CHCHD3: variants seen among roughly 807,000 people sequenced by gnomAD.
CHCHD3 encodes the protein MICOS complex subunit MIC19.
A neutral mutation model predicts 38.2 loss-of-function variants in CHCHD3; 20 were observed. The ratio of observed to expected loss-of-function variants is 0.52; its 90% CI spans 0.37 to 0.76. The LOEUF is 0.76. Among genes scored for constraint, CHCHD3 ranks in the 30% least tolerant of loss-of-function variants. The pLI, the probability that CHCHD3 is intolerant of heterozygous loss-of-function variation, is 0.00. For synonymous variants in CHCHD3, 82 were observed against 100.0 expected, an observed-to-expected ratio of 0.82 and a Z score of 1.07; for missense variants, 245 against 279.2, an observed-to-expected ratio of 0.88 and a Z score of 0.87.
At chr7:133,027,435 A>C in intron 2 of CHCHD3, among the ~76,000 whole-genome samples, 1 of 24,438 alleles carries the variant, frequency 4.1e-5, no homozygotes. Flanking sequence ...GAAGGAAGGG[A>C]GGGAGGGAGG....
intron 1 of CHCHD3, among the ~76,000 whole-genome samples, chr7:133,075,600 G>C (rs1458076717): frequency 3.3e-5 from 5 of 152,226 alleles, no homozygotes. Context: ...TCTCCTCTGT[G>C]AACAGGGGTA....
At chr7:133,073,182 G>C (rs1814877624) in intron 1 of CHCHD3, among the ~76,000 whole-genome samples, 1 of 151,940 alleles carries the variant, frequency 6.6e-6, no homozygotes, top group African/African-American at 2.4e-5. Context: ...CTTCTGGAAA[G>C]CCCTCCCTTG....
chr7:132,958,575 C>A (rs140972358), intron 4 of CHCHD3, among the ~76,000 whole-genome samples: 1 of 152,118 alleles, frequency 6.6e-6, no homozygotes, highest in Admixed American at 6.5e-5. Flanking sequence ...TCTGGAGATA[C>A]ATTTGTTACT....
intron 2 of CHCHD3, among the ~76,000 whole-genome samples, chr7:133,033,000 A>G (rs1813543837): frequency 6.6e-6 from 1 of 152,170 alleles, no homozygotes; most frequent in South Asian, 2.1e-4. Context: ...GTCCTGTGTG[A>G]CCAAGAAAAG....
intron 4 of CHCHD3, among the ~76,000 whole-genome samples, chr7:132,964,497 C>G (rs925170175): frequency 3.3e-5 from 5 of 152,178 alleles, no homozygotes; most frequent in African/African-American, 1.2e-4. Flanking sequence ...AGGAGAATCA[C>G]TTGAACCCGG....
intron 4 of CHCHD3, among the ~76,000 whole-genome samples, chr7:132,905,858 G>A (rs1397615509): frequency 6.6e-6 from 1 of 152,090 alleles, no homozygotes; most frequent in African/African-American, 2.4e-5. Context: ...GTGGACAAAA[G>A]GATATTGCCA....
intron 4 of CHCHD3, among the ~76,000 whole-genome samples, chr7:132,938,475 C>G (rs557727986): frequency 3.3e-5 from 5 of 152,082 alleles, no homozygotes; most frequent in Admixed American, 1.3e-4. Context: ...CAGTACACAA[C>G]TTGGAAATGG....
At chr7:133,065,675 A>T (rs915099006) in intron 2 of CHCHD3, among the ~76,000 whole-genome samples, 1 of 152,242 alleles carries the variant, frequency 6.6e-6, no homozygotes, top group African/African-American at 2.4e-5. Context: ...ACACATCTAA[A>T]TTTTAAATCC....
At chr7:133,076,046 G>GGGCA (rs1814980802) in intron 1 of CHCHD3, among the ~76,000 whole-genome samples, 1 of 112,706 alleles carries the variant, frequency 8.9e-6, no homozygotes, top group East Asian at 2.7e-4. Context: ...GCAAGAGAAT[G>GGGCA]AGATTCTATC....
intron 1 of CHCHD3, among the ~76,000 whole-genome samples, chr7:133,072,789 G>A (rs557873452): frequency 2.3e-4 from 34 of 148,358 alleles, no homozygotes; most frequent in African/African-American, 8.5e-4. Flanking sequence ...CAGTGAGATC[G>A]CGCCACAGCC....
chr7:132,855,350 T>C (rs1808320518), intron 5 of CHCHD3, among the ~76,000 whole-genome samples: 1 of 152,206 alleles, frequency 6.6e-6, no homozygotes, highest in Admixed American at 6.5e-5. Context: ...TAATTTCTTT[T>C]CATCAATTTT....
At chr7:132,927,128 A>ACAGTTAAGAG (rs1207336447) in intron 4 of CHCHD3, among the ~76,000 whole-genome samples, 2 of 152,178 alleles carry the variant, frequency 1.3e-5, no homozygotes, top group African/African-American at 4.8e-5. Flanking sequence ...AGACCCACAA[A>ACAGTTAAGAG]CAGTTAAGAG....
chr7:132,921,160 T>C (rs562595217), intron 4 of CHCHD3, among the ~76,000 whole-genome samples: 33 of 152,286 alleles, frequency 2.2e-4, no homozygotes, highest in African/African-American at 7.7e-4. Flanking sequence ...CTGAACAATA[T>C]TTTCGCTCTT....
At chr7:133,060,744 A>C (rs1477787450) in intron 2 of CHCHD3, among the ~76,000 whole-genome samples, 1 of 152,138 alleles carries the variant, frequency 6.6e-6, no homozygotes, top group Non-Finnish European at 1.5e-5. Flanking sequence ...CCCCATGTCT[A>C]CTAAAAATAC....
At chr7:133,080,850 CTG>C (rs1815152237) in intron 1 of CHCHD3, among the ~76,000 whole-genome samples, 1 of 152,024 alleles carries the variant, frequency 6.6e-6, no homozygotes, top group South Asian at 2.1e-4. Context: ...CTGGTAACAA[CTG>C]TTAAAAATAA....
At chr7:132,796,221 C>A (rs1488766491) in intron 7 of CHCHD3, among the ~76,000 whole-genome samples, 1 of 151,990 alleles carries the variant, frequency 6.6e-6, no homozygotes, top group Admixed American at 6.5e-5. Context: ...ATCCTTTTTT[C>A]TGCAAGTAAA....
At chr7:132,889,166 A>C (rs1448190192) in intron 4 of CHCHD3, among the ~76,000 whole-genome samples, 1 of 152,072 alleles carries the variant, frequency 6.6e-6, no homozygotes, top group Non-Finnish European at 1.5e-5. Flanking sequence ...AAAATTTAAC[A>C]ACTTGAACAG....
rs147591598 is a variant in CHCHD3, at chr7:132,912,833, G to T, written c.370-27088C>A. The stretch of plus-strand genomic sequence containing the variant: ...GCCTTCCAAAGTGCTGGGATTACAG[G>T]CATGAGCCACTGCGCCCGGCCAAAG... On this transcript the variant is annotated intron_variant, in intron 4 of 7. Coordinates refer to ENST00000262570, the MANE Select transcript of CHCHD3 (RefSeq NM_017812.4). 8.6e-3 allele frequency among the ~76,000 whole-genome samples: 1,307 copies of T among 152,332 alleles called. 22 individuals carry two copies. The highest frequency in any genetic ancestry group is 0.03 in the African/African-American group (1,246 of 41,566).
At chr7:132,924,987 C>A (rs1287448721) in intron 4 of CHCHD3, among the ~76,000 whole-genome samples, 1 of 152,102 alleles carries the variant, frequency 6.6e-6, no homozygotes, top group African/African-American at 2.4e-5. Flanking sequence ...CTTTGATCTC[C>A]ATTGGAACAA....
Sources: allele counts gnomAD v4.1 joint callset (sites outside exome capture counted in the v4.1 genomes callset), GRCh38; gene constraint gnomAD v4.1.1; transcripts MANE v1.5; gene names NCBI Gene and HGNC (gene_info 2026-07-23, HGNC 2026-07-21).